Variants in SKAP1 observed in about 807,000 individuals in gnomAD.
SKAP1 encodes the protein src kinase-associated phosphoprotein 1.
A neutral mutation model predicts 58.5 loss-of-function variants in SKAP1; 44 were observed. The observed-to-expected ratio is 0.75, with a 90% CI of 0.59 to 0.97. SKAP1 has a LOEUF of 0.97. Ranked by LOEUF, SKAP1 falls within the 50% of genes least tolerant of loss-of-function variation. SKAP1 has a pLI of 0.00. For missense variants in SKAP1, 390 were observed against 435.2 expected, an observed-to-expected ratio of 0.90 and a Z score of 0.92; for synonymous variants, 127 against 149.7, an observed-to-expected ratio of 0.85 and a Z score of 1.11.
intron 4 of SKAP1, among the ~76,000 whole-genome samples, chr17:48,254,571 T>C (rs889196294): frequency 2.0e-5 from 3 of 151,794 alleles, no homozygotes; most frequent in African/African-American, 7.3e-5. Context: ...CAATATATTA[T>C]AGCCATGTTA....
At chr17:48,237,767 A>G (rs1394302139) in intron 4 of SKAP1, among the ~76,000 whole-genome samples, 2 of 152,164 alleles carry the variant, frequency 1.3e-5, no homozygotes, top group African/African-American at 4.8e-5. Context: ...TTTTGTGACC[A>G]ATGAAATGCT....
At chr17:48,310,383 C>T (rs146342745) in intron 4 of SKAP1, among the ~76,000 whole-genome samples, 3 of 152,322 alleles carry the variant, frequency 2.0e-5, no homozygotes, top group African/African-American at 7.2e-5. Flanking sequence ...TGAAGAAAAA[C>T]TCCACAGTTA....
chr17:48,189,405 T>C lies in SKAP1; in HGVS notation c.358+18A>G. 1 of 1,593,016 alleles carries C rather than the reference T, an allele frequency of 6.3e-7. No homozygotes were observed. The highest frequency in any genetic ancestry group is 8.6e-7 in the Non-Finnish European group (1 of 1,166,178). Reference sequence around the variant, plus strand: ...TCCCTTCCTGGAATGTTCTGAAATCTGTGGGTCTGACCAATACCTTTGCTT... The same window carrying C: ...TCCCTTCCTGGAATGTTCTGAAATCCGTGGGTCTGACCAATACCTTTGCTT... On this transcript the variant is annotated intron_variant, in intron 5 of 12. Transcript: ENST00000336915.
intron 3 of SKAP1, among the ~76,000 whole-genome samples, chr17:48,361,639 T>A (rs2066940559): frequency 6.6e-6 from 1 of 152,204 alleles, no homozygotes; most frequent in South Asian, 2.1e-4. Flanking sequence ...CTCAAGTGTG[T>A]TTTTAGGCAG....
intron 3 of SKAP1, among the ~76,000 whole-genome samples, chr17:48,362,005 T>C (rs1567883292): frequency 2.0e-5 from 3 of 152,212 alleles, no homozygotes; most frequent in Non-Finnish European, 2.9e-5. Context: ...TGAGAAGTCA[T>C]GAGACTGGGG....
At chr17:48,342,970 G>C (rs893610576) in intron 4 of SKAP1, among the ~76,000 whole-genome samples, 3 of 152,100 alleles carry the variant, frequency 2.0e-5, no homozygotes, top group Non-Finnish European at 4.4e-5. Flanking sequence ...GGGTGACAGA[G>C]CGAAACTCTG....
At chr17:48,162,900 A>C (rs2064088526) in intron 10 of SKAP1, among the ~76,000 whole-genome samples, 1 of 152,178 alleles carries the variant, frequency 6.6e-6, no homozygotes, top group African/African-American at 2.4e-5. Context: ...TTCCCGCCAG[A>C]CTTTCCTGAT....
chr17:48,390,407 G>A (rs1271668830), intron 2 of SKAP1, among the ~76,000 whole-genome samples: 1 of 152,106 alleles, frequency 6.6e-6, no homozygotes, highest in Admixed American at 6.5e-5. Flanking sequence ...TCATACAGAT[G>A]ATCTTTTCAC....
rs1335184155 is a variant in SKAP1, at chr17:48,187,430, C to CT, written c.442+412dup. On this transcript the variant is annotated intron_variant, in intron 6 of 12. Transcript: ENST00000336915. ...ATGAAGATAAAGCAGGGAGCATGCC[C>CT]TTAGGGGGTTCTATTTCTGGGCCAT... Among the ~76,000 whole-genome samples, 6 of 152,296 alleles carry CT rather than the reference C, an allele frequency of 3.9e-5. No homozygotes were observed. In the East Asian group the frequency reaches 1.2e-3, roughly 29 times the overall value.
intron 4 of SKAP1, among the ~76,000 whole-genome samples, chr17:48,329,531 C>T (rs933716832): frequency 1.5e-4 from 23 of 152,072 alleles, no homozygotes; most frequent in African/African-American, 5.3e-4. Context: ...ATGGTGAAAC[C>T]CTGTCTCTAC....
intron 4 of SKAP1, among the ~76,000 whole-genome samples, chr17:48,318,986 G>A (rs1320844016): frequency 6.6e-6 from 1 of 152,184 alleles, no homozygotes; most frequent in Non-Finnish European, 1.5e-5. Context: ...ACAAAAAGGA[G>A]AAATGAACCT....
intron 4 of SKAP1, among the ~76,000 whole-genome samples, chr17:48,239,850 CAGAG>C (rs71141976): frequency 2.9e-3 from 381 of 129,832 alleles, no homozygotes; most frequent in African/African-American, 8.0e-3. Context: ...GAGAGAGAGA[CAGAG>C]AGAGAGAGAG....
the SKAP1 span, among the ~76,000 whole-genome samples, chr17:48,444,775 A>G: frequency 6.6e-6 from 1 of 152,206 alleles, no homozygotes; most frequent in African/African-American, 2.4e-5. Flanking sequence ...ACAAAGTCCC[A>G]GCGACAGGAG....
chr17:48,303,001 G>T (rs1030077485), intron 4 of SKAP1, among the ~76,000 whole-genome samples: 2 of 152,132 alleles, frequency 1.3e-5, no homozygotes, highest in African/African-American at 4.8e-5. Flanking sequence ...ATATAGAATT[G>T]CTCAAATTTA....
At chr17:48,357,598 C>G (rs1485085863) in intron 3 of SKAP1, among the ~76,000 whole-genome samples, 3 of 151,958 alleles carry the variant, frequency 2.0e-5, no homozygotes, top group Non-Finnish European at 2.9e-5. Context: ...CCACTGCACT[C>G]CAGCCTGGGT....
chr17:48,317,647 A>T (rs188464967), intron 4 of SKAP1, among the ~76,000 whole-genome samples: 139 of 152,362 alleles, frequency 9.1e-4, no homozygotes, highest in African/African-American at 3.3e-3. Flanking sequence ...ACATTTCTAC[A>T]TCTTAGTATC....
At chr17:48,234,457 G>C (rs1361253835) in intron 4 of SKAP1, among the ~76,000 whole-genome samples, 1 of 152,204 alleles carries the variant, frequency 6.6e-6, no homozygotes, top group South Asian at 2.1e-4. Context: ...TTGGTACAGG[G>C]CTAGACATGG....
intron 4 of SKAP1, among the ~76,000 whole-genome samples, chr17:48,211,448 G>A (rs1425540892): frequency 6.6e-6 from 1 of 152,126 alleles, no homozygotes; most frequent in Non-Finnish European, 1.5e-5. Flanking sequence ...GGGATAAATT[G>A]TTTCAGCCAA....
intron 1 of SKAP1, among the ~76,000 whole-genome samples, chr17:48,413,988 T>C (rs1366650248): frequency 6.6e-6 from 1 of 151,980 alleles, no homozygotes; most frequent in Non-Finnish European, 1.5e-5. Context: ...AAGGCAAAAA[T>C]CAAAAACAAC....
Sources: allele counts gnomAD v4.1 joint callset (sites outside exome capture counted in the v4.1 genomes callset), GRCh38; gene constraint gnomAD v4.1.1; transcripts MANE v1.5; gene names NCBI Gene and HGNC (gene_info 2026-07-23, HGNC 2026-07-21).